Variants in PDE4D observed in about 807,000 individuals in gnomAD.
PDE4D encodes the protein 3',5'-cyclic-AMP phosphodiesterase 4D.
A neutral mutation model predicts 87.4 loss-of-function variants in PDE4D; 24 were observed. The observed-to-expected ratio is 0.27, with a 90% CI of 0.20 to 0.39. The LOEUF is 0.39. PDE4D is among the 10% of genes least tolerant of loss of function. The pLI is 1.00. For synonymous variants in PDE4D, 384 were observed against 383.2 expected (o/e 1.00, Z -0.02); for missense variants, 714 against 1,041.0 (o/e 0.69, Z 4.32).
At chr5:59,488,481 T>G (rs976225331) in intron 1 of PDE4D, among the ~76,000 whole-genome samples, 2 of 152,206 alleles carry the variant, frequency 1.3e-5, no homozygotes, top group African/African-American at 4.8e-5. Flanking sequence ...GACACTTCTC[T>G]TTTTCTCTTT....
intron 1 of PDE4D, among the ~76,000 whole-genome samples, chr5:60,276,570 AC>A (rs1303157929): frequency 2.0e-5 from 3 of 152,084 alleles, no homozygotes; most frequent in African/African-American, 7.2e-5. Flanking sequence ...CAAATAAGAC[AC>A]CCAGCTGTAA....
At chr5:59,775,327 T>C (rs1763970396) in intron 1 of PDE4D, among the ~76,000 whole-genome samples, 1 of 152,184 alleles carries the variant, frequency 6.6e-6, no homozygotes, top group African/African-American at 2.4e-5. Context: ...TATCTCAATC[T>C]GTACTAGATC....
rs1339681872 is a variant in PDE4D, at chr5:60,004,258, C to G, written c.43-15541G>C. ...ATGGATGATAGAAAATATTTGCAAA[C>G]CATACATAGTTTTACCTTGGTATCC... On this transcript the variant is annotated intron_variant, in intron 2 of 16. Coordinates refer to the PDE4D transcript ENST00000502484. Among the ~76,000 whole-genome samples the G allele has an allele frequency of 2.0e-5, 3 of 152,130 alleles. No homozygotes were observed. The East Asian group carries it at 5.8e-4, about 29-fold the overall frequency.
At chr5:59,126,976 C>T (rs1003168898) in intron 5 of PDE4D, among the ~76,000 whole-genome samples, 2 of 152,148 alleles carry the variant, frequency 1.3e-5, no homozygotes, top group Non-Finnish European at 2.9e-5. Flanking sequence ...AATTTCAAAG[C>T]GGAGACAATT....
intron 2 of PDE4D, among the ~76,000 whole-genome samples, chr5:60,064,684 C>T (rs1356271407): frequency 6.6e-6 from 1 of 152,114 alleles, no homozygotes; most frequent in Non-Finnish European, 1.5e-5. Flanking sequence ...AAACAAGTTG[C>T]ATGTGAAATC....
At chr5:59,973,293 C>A (rs1338558738) in intron 3 of PDE4D, among the ~76,000 whole-genome samples, 2 of 152,016 alleles carry the variant, frequency 1.3e-5, no homozygotes, top group Non-Finnish European at 2.9e-5. Flanking sequence ...TTTTGTAAAT[C>A]AAAAAATTCA....
Position 59,591,295 on chromosome 5 carries a change from T to C in PDE4D, c.455+301873A>G, listed in dbSNP as rs77710053. On this transcript the variant is annotated intron_variant, in intron 1 of 14. Coordinates refer to ENST00000340635, the MANE Select transcript of PDE4D (RefSeq NM_001104631.2). ...TTCAACTTACACACTTCCTTCACAA[T>C]GAGCATAAAAGAATGATTAAGTTCA... Among the ~76,000 whole-genome samples the C allele has an allele frequency of 1.3e-3, 202 of 152,290 alleles. 2 individuals are homozygous for C. Among genetic ancestry groups the C allele is most frequent in the Non-Finnish European group, 1.7e-3 (114 of 68,020 alleles).
chr5:59,969,908 A>G (rs1278999810), intron 3 of PDE4D, among the ~76,000 whole-genome samples: 1 of 152,218 alleles, frequency 6.6e-6, no homozygotes, highest in African/African-American at 2.4e-5. Context: ...TCTTTATAGC[A>G]GTGTGAGAAC....
rs1001796059 is a variant in PDE4D at position 59,356,904 on chromosome 5, C to T, written c.456-140936G>A. ...ACGAGAAGTCAGAGCTGGTGCGGGG[C>T]TCTGGGGCCCTGAGGCCCCGCACGG... On this transcript the variant is annotated intron_variant, in intron 1 of 14. Coordinates refer to ENST00000340635, the MANE Select transcript of PDE4D (RefSeq NM_001104631.2). The T allele has an allele frequency of 6.1e-6, 9 of 1,472,952 alleles. No homozygotes were observed. The African/African-American group carries it at 1.2e-4, about 19-fold the overall frequency. 91.2% of individuals were successfully genotyped at this position (1,472,952 alleles called of 1,614,324 possible). A position where few individuals can be genotyped will look rare whatever the true frequency, so the allele number is the denominator to read the frequency against.
In PDE4D at chr5:60,028,222, T is replaced by G. The variant is rs111467778; in HGVS notation, c.43-39505A>C. Among the ~76,000 whole-genome samples the G allele has an allele frequency of 2.4e-3, 360 of 152,282 alleles. 2 individuals are homozygous for G. The highest frequency in any genetic ancestry group is 3.2e-3 in the Non-Finnish European group (215 of 68,012). ...GAGCTCTCTTTGCCTTTTTCTTCTA[T>G]CTTTTCTGTCTCTCAACTTGACTTT... On this transcript the variant is annotated intron_variant, in intron 2 of 16. Coordinates refer to the PDE4D transcript ENST00000502484.
At chr5:59,369,649 A>T (rs1783639992) in intron 1 of PDE4D, among the ~76,000 whole-genome samples, 1 of 152,142 alleles carries the variant, frequency 6.6e-6, no homozygotes, top group Admixed American at 6.5e-5. Context: ...AACCTGGGGT[A>T]TATGAGCACC....
chr5:59,389,269 T>C (rs1326033965), intron 1 of PDE4D, among the ~76,000 whole-genome samples: 4 of 152,036 alleles, frequency 2.6e-5, no homozygotes, highest in Non-Finnish European at 5.9e-5. Flanking sequence ...ATGTTTATGA[T>C]ATTTAGTAAT....
chr5:59,998,044 C>T (rs908939788), intron 2 of PDE4D, among the ~76,000 whole-genome samples: 2 of 152,208 alleles, frequency 1.3e-5, no homozygotes, highest in African/African-American at 4.8e-5. Flanking sequence ...AAAAGAATGT[C>T]TCATGTGGTC....
intron 1 of PDE4D, among the ~76,000 whole-genome samples, chr5:60,261,977 T>C (rs1283257499): frequency 6.6e-6 from 1 of 152,052 alleles, no homozygotes; most frequent in East Asian, 1.9e-4. Flanking sequence ...AGAACCAAAT[T>C]TCAGTTTGTG....
intron 1 of PDE4D, among the ~76,000 whole-genome samples, chr5:60,364,158 C>T (rs188871450): frequency 4.6e-5 from 7 of 152,344 alleles, no homozygotes; most frequent in African/African-American, 1.7e-4. Flanking sequence ...GAGTTTGAAA[C>T]AGAGAATACC....
intron 1 of PDE4D, among the ~76,000 whole-genome samples, chr5:59,330,448 G>A (rs1298801187): frequency 1.3e-5 from 2 of 152,102 alleles, no homozygotes; most frequent in Non-Finnish European, 2.9e-5. Context: ...CTCCTGCAGA[G>A]AGAAGGGTAA....
rs1743460477 is a variant in PDE4D at position 58,975,396 on chromosome 5, C to T, written c.2013+261G>A. Among the ~76,000 whole-genome samples, 1 of 152,008 alleles carries T rather than the reference C, an allele frequency of 6.6e-6. No individual in the cohort carries two copies. The highest frequency in any genetic ancestry group is 2.4e-5 in the African/African-American group (1 of 41,382). ...TGAATCCAGATAACTGAAATAATGCCATGTGCTCTATGTATATGAATATAT... is the reference window on the plus strand; with the variant it reads ...TGAATCCAGATAACTGAAATAATGCTATGTGCTCTATGTATATGAATATAT... On this transcript the variant is annotated intron_variant, in intron 14 of 14. Coordinates refer to ENST00000340635, the MANE Select transcript of PDE4D (RefSeq NM_001104631.2). This position sits in a 1 kb window ranked among gnomAD's most constrained non-coding sequence, Gnocchi z 4.2.
intron 1 of PDE4D, among the ~76,000 whole-genome samples, chr5:59,299,866 T>C (rs912496602): frequency 6.6e-6 from 1 of 152,130 alleles, no homozygotes; most frequent in African/African-American, 2.4e-5. Context: ...TCCCAGCACT[T>C]TGGGAGGCCG....
chr5:59,275,231 C>T (rs1764564062), intron 1 of PDE4D: 7 of 867,828 alleles, frequency 8.1e-6, no homozygotes, highest in South Asian at 4.9e-5. Flanking sequence ...GCCGCCAATA[C>T]TGCCTTCTTT....
Sources: allele counts gnomAD v4.1 joint callset (sites outside exome capture counted in the v4.1 genomes callset), GRCh38; gene constraint gnomAD v4.1.1; non-coding constraint Gnocchi (gnomAD v3.1); transcripts MANE v1.5; gene names NCBI Gene and HGNC (gene_info 2026-07-23, HGNC 2026-07-21).